The following EGF variants were observed in gnomAD, a reference collection of about 807,000 sequenced individuals.
EGF encodes epidermal growth factor.
A neutral mutation model predicts 143.8 loss-of-function variants in EGF; 95 were observed. The ratio of observed to expected loss-of-function variants is 0.66; its 90% CI spans 0.56 to 0.78. The LOEUF is 0.78. Among genes scored for constraint, EGF ranks in the 30% least tolerant of loss-of-function variants. EGF has a pLI of 0.00. For synonymous variants in EGF, 510 were observed against 510.5 expected (o/e 1.00, Z 0.01); for missense variants, 1,320 against 1,470.9 (o/e 0.90, Z 1.68).
chr4:109,937,765 C>T (rs1407010222), intron 1 of EGF, among the ~76,000 whole-genome samples: 2 of 152,186 alleles, frequency 1.3e-5, no homozygotes, highest in African/African-American at 2.4e-5. Context: ...TTCTCCTTCA[C>T]TTATGAAGCT....
intron 12 of EGF, among the ~76,000 whole-genome samples, chr4:109,975,690 T>C (rs945726311): frequency 9.2e-5 from 14 of 152,234 alleles, no homozygotes; most frequent in Non-Finnish European, 1.8e-4. Flanking sequence ...AAATGCTAAT[T>C]CAAGAATATT....
chr4:109,978,583 G>A (rs779039737), intron 13 of EGF, among the ~76,000 whole-genome samples: 1 of 152,164 alleles, frequency 6.6e-6, no homozygotes, highest in Non-Finnish European at 1.5e-5. Flanking sequence ...CAGGGGATGT[G>A]GGAGAGGAAA....
intron 3 of EGF, 39 bp from the exon 4 acceptor site, chr4:109,943,803 A>G (rs952574092): frequency 5.1e-6 from 8 of 1,563,728 alleles, no homozygotes; most frequent in Non-Finnish European, 7.0e-6. Context: ...AAGGCACTAT[A>G]CATTCATTTT....
At chr4:109,970,210 C>T (rs1239304113) in intron 11 of EGF, among the ~76,000 whole-genome samples, 1 of 152,154 alleles carries the variant, frequency 6.6e-6, no homozygotes, top group Non-Finnish European at 1.5e-5. Flanking sequence ...AAGGAAATGG[C>T]TGTATCCCTT....
At chr4:109,930,192 T>C (rs1260634565) in intron 1 of EGF, among the ~76,000 whole-genome samples, 1 of 152,158 alleles carries the variant, frequency 6.6e-6, no homozygotes, top group Non-Finnish European at 1.5e-5. Context: ...AGTTACCCAG[T>C]CTTGGGTATT....
chr4:109,974,811 G>C lies in EGF; in HGVS notation c.1829+4G>C. On this transcript the variant is annotated splice_donor_region_variant and intron_variant, in intron 12 of 23. Transcript: ENST00000265171. The stretch of plus-strand genomic sequence containing the variant: ...TTGCTGTTCATCCAATGGCCAAGTA[G>C]GTATTTGTAAAAATAAGGCACTGCT... 6.2e-7 allele frequency: 1 copy of C among 1,610,132 alleles called. No homozygotes were observed. The highest frequency in any genetic ancestry group is 1.3e-5 in the African/African-American group (1 of 74,946).
At position 109,983,516 on chromosome 4, in the gene EGF, G is replaced by T. The variant is rs1164693420; in HGVS notation, c.2466G>T (p.Met822Ile). The T allele has an allele frequency of 5.0e-6, 8 of 1,613,654 alleles. No homozygotes were observed. Among genetic ancestry groups the T allele is most frequent in the Non-Finnish European group, 6.8e-6 (8 of 1,179,810 alleles). ...ATAACATTACAGAATCTCAACACAT[G>T]CTAGTGGCTGAAATCATGGTGTCAG... ...SEDNITESQH[M>I]LVAEIMVSDQ... Residue 822 changes from methionine (M) to isoleucine (I), a missense_variant, in exon 16 of 24, where the codon ATG (methionine) becomes ATT (isoleucine). By Grantham distance (10) the Met-to-Ile change is conservative (BLOSUM62 1). This residue lies in a region of EGF where 1,186 missense variants were observed against 1,313.7 expected (regional missense o/e 0.90). Coordinates refer to ENST00000265171, the MANE Select transcript of EGF (RefSeq NM_001963.6).
chr4:109,927,250 T>C (rs1738838261), intron 1 of EGF, among the ~76,000 whole-genome samples: 1 of 152,268 alleles, frequency 6.6e-6, no homozygotes, highest in Non-Finnish European at 1.5e-5. Flanking sequence ...AAATTATTTT[T>C]GTTTAAAAAA....
chr4:109,949,755 A>T (rs1266776942), intron 5 of EGF, among the ~76,000 whole-genome samples: 1 of 152,194 alleles, frequency 6.6e-6, no homozygotes, highest in Non-Finnish European at 1.5e-5. Flanking sequence ...TATTCATAAT[A>T]TACAAAAAGG....
chr4:109,954,819 A>C (rs1260618347), intron 5 of EGF, among the ~76,000 whole-genome samples: 2 of 152,222 alleles, frequency 1.3e-5, no homozygotes, highest in African/African-American at 2.4e-5. Flanking sequence ...TCCCAGTTCT[A>C]CACTCTATTT....
chr4:109,963,041 G>C (rs1745961273), intron 8 of EGF, 132 bp from the exon 9 acceptor site: 2 of 1,092,664 alleles, frequency 1.8e-6, no homozygotes, highest in Non-Finnish European at 2.7e-6. Flanking sequence ...CTCCAGCCTG[G>C]GTGAAAGAGT....
At chr4:109,928,550 C>T (rs1444182657) in intron 1 of EGF, among the ~76,000 whole-genome samples, 5 of 152,060 alleles carry the variant, frequency 3.3e-5, no homozygotes, top group Non-Finnish European at 7.4e-5. Context: ...TTAATTCTCT[C>T]CTGGGTCGGG....
At chr4:109,949,389 T>A (rs1743425009) in intron 5 of EGF, among the ~76,000 whole-genome samples, 1 of 152,140 alleles carries the variant, frequency 6.6e-6, no homozygotes, top group Non-Finnish European at 1.5e-5. Context: ...TTCTATGGGA[T>A]TTAATGAGGT....
chr4:109,926,959 G>A (rs757502069), intron 1 of EGF, among the ~76,000 whole-genome samples: 14 of 152,154 alleles, frequency 9.2e-5, no homozygotes, highest in Non-Finnish European at 1.9e-4. Flanking sequence ...TCTTGTGTCT[G>A]CGCTTTTAAA....
intron 21 of EGF, chr4:110,004,097 G>GT (rs1210962469): frequency 2.3e-5 from 5 of 221,140 alleles, no homozygotes; most frequent in Non-Finnish European, 4.6e-5. Flanking sequence ...AAAATTAGTT[G>GT]TTTTTTCATT....
chr4:109,994,979 T>G, intron 20 of EGF, 99 bp downstream of exon 20: 2 of 1,496,036 alleles, frequency 1.3e-6, no homozygotes, highest in Non-Finnish European at 1.8e-6. Context: ...TTTTCTGCAA[T>G]TAGGTGTTCT....
chr4:109,946,193 C>A (rs1338550911), intron 5 of EGF, among the ~76,000 whole-genome samples: 1 of 152,162 alleles, frequency 6.6e-6, no homozygotes, highest in Non-Finnish European at 1.5e-5. Context: ...CAGACAGGTA[C>A]GTTTTGTTTG....
chr4:109,983,485 C>T lies in EGF; in HGVS notation c.2435C>T (p.Ser812Leu), dbSNP rs760757407. 1.2e-6 allele frequency: 2 copies of T among 1,613,658 alleles called. No individual in the cohort carries two copies. Among genetic ancestry groups the T allele is most frequent in the East Asian group, 4.5e-5 (2 of 44,858 alleles). ...GACATCTTGTCCAAGACTAGAGTGTCAGAAGATAACATTACAGAATCTCAA... is the reference window on the plus strand; with the variant it reads ...GACATCTTGTCCAAGACTAGAGTGTTAGAAGATAACATTACAGAATCTCAA... ...PLDILSKTRV[S>L]EDNITESQHM... The change falls in exon 16 of 24, where the codon TCA becomes TTA. Residue 812 changes from serine (S) to leucine (L), a missense_variant. Transcript: ENST00000265171.
intron 8 of EGF, 102 bp downstream of exon 8, chr4:109,962,087 C>T (rs1332844615): frequency 7.1e-6 from 11 of 1,547,882 alleles, no homozygotes; most frequent in African/African-American, 1.4e-5. Flanking sequence ...ATTGATTTTC[C>T]AATATTGTAT....
Sources: gnomAD v4.1 joint callset for allele counts (sites outside exome capture counted in the v4.1 genomes callset) on GRCh38, gnomAD v4.1.1 for gene constraint, gnomAD v4.1.1 regional missense constraint, MANE v1.5 for transcripts, NCBI Gene and HGNC (gene_info 2026-07-23, HGNC 2026-07-21) for gene names.